LONP1: variants seen among roughly 807,000 people sequenced by gnomAD.
LONP1 encodes the protein lon peptidase 1, mitochondrial, also known as lon protease homolog, mitochondrial.
LONP1 carries 31 observed loss-of-function variants against 98.5 expected under a neutral mutation model. That is an observed-to-expected ratio of 0.31 (90% CI 0.24 to 0.42). LONP1 has a LOEUF of 0.42. Among genes scored for constraint, LONP1 ranks in the 20% least tolerant of loss-of-function variants. The probability of loss-of-function intolerance (pLI) is 1.00; values close to 1 mark genes in which losing one functional copy is unlikely to be tolerated. For synonymous variants in LONP1, 781 were observed against 594.7 expected (o/e 1.31, Z -4.56); for missense variants, 1,336 against 1,350.6 (o/e 0.99, Z 0.17).
rs1346140579 is a variant in LONP1 at position 5,692,841 on chromosome 19, GCTTCCTA to G, written c.2703+450_2703+456del. 7.2e-5 allele frequency among the ~76,000 whole-genome samples: 11 copies of G among 152,260 alleles called. No individual in the cohort carries two copies. The East Asian group carries it at 1.5e-3, about 21-fold the overall frequency. ...GGCATCTCCTGACTGACTGCACCAG[GCTTCCTA>G]GACACATGGCAAGTGTGGTCCAGTC... On this transcript the variant is annotated intron_variant, in intron 17 of 17. Transcript: ENST00000360614.
At chr19:5,718,505 C>T (rs1177970366) in intron 1 of LONP1, among the ~76,000 whole-genome samples, 1 of 151,212 alleles carries the variant, frequency 6.6e-6, no homozygotes, top group Non-Finnish European at 1.5e-5. Context: ...AATCTTGGAG[C>T]AGCGTTGGAG....
At chr19:5,716,194 A>G (rs1464522415) in intron 1 of LONP1, among the ~76,000 whole-genome samples, 2 of 147,278 alleles carry the variant, frequency 1.4e-5, no homozygotes, top group Admixed American at 1.4e-4. Flanking sequence ...TAACACAGTG[A>G]GACCCCATCT....
chr19:5,697,482 C>G (rs1393036776), intron 10 of LONP1, among the ~76,000 whole-genome samples: 1 of 146,734 alleles, frequency 6.8e-6, no homozygotes, highest in African/African-American at 2.5e-5. Flanking sequence ...AGTGAGGAGG[C>G]CATGAGGCTG....
chr19:5,707,591 GGCATGGGGGAGCTGA>G lies in LONP1; in HGVS notation c.1062+91_1062+105del, dbSNP rs1310027967. 15 of 1,237,066 alleles carry G rather than the reference GGCATGGGGGAGCTGA, an allele frequency of 1.2e-5. No homozygotes were observed. In the Admixed American group the frequency reaches 2.3e-4, roughly 19 times the overall value. 76.6% of individuals were successfully genotyped at this position (1,237,066 alleles called of 1,614,324 possible). ...CACGGTGGAGGGACAAGGGCAGCCA[GGCATGGGGGAGCTGA>G]GGAGGAACGGGGGCAGCCGGGCGTG... On this transcript the variant is annotated intron_variant, in intron 6 of 17. Coordinates refer to ENST00000360614, the MANE Select transcript of LONP1 (RefSeq NM_004793.4).
At chr19:5,708,696 G>A in intron 4 of LONP1, 1 of 362,848 alleles carries the variant, frequency 2.8e-6, no homozygotes, top group Non-Finnish European at 5.2e-6. Context: ...AAGAGACTGT[G>A]TTTTCTTTCC....
intron 1 of LONP1, among the ~76,000 whole-genome samples, chr19:5,718,699 G>T (rs961856207): frequency 2.0e-5 from 3 of 146,862 alleles, no homozygotes; most frequent in African/African-American, 7.5e-5. Flanking sequence ...CACATCAGTA[G>T]TTTTTTTTTT....
chr19:5,706,060 C>G (rs924526098), intron 7 of LONP1, 68 bp from the exon 8 acceptor site: 2 of 1,010,218 alleles, frequency 2.0e-6, no homozygotes, highest in Non-Finnish European at 3.1e-6. Context: ...CGTCCCCAGA[C>G]GAAGGGGGAC....
intron 4 of LONP1, among the ~76,000 whole-genome samples, chr19:5,710,393 A>ATT (rs755609416): frequency 1.3e-5 from 2 of 151,328 alleles, no homozygotes; most frequent in African/African-American, 4.9e-5. Context: ...CCCGGCCTGA[A>ATT]TTTTTTTATT....
At chr19:5,695,347 C>A (rs2054907035) in intron 13 of LONP1, among the ~76,000 whole-genome samples, 1 of 152,086 alleles carries the variant, frequency 6.6e-6, no homozygotes, top group Non-Finnish European at 1.5e-5. Flanking sequence ...GGGAGGGCAT[C>A]TGTGAGACGG....
At chr19:5,709,036 A>T (rs1359507079) in intron 4 of LONP1, 2 of 140,202 alleles carry the variant, frequency 1.4e-5, no homozygotes, top group Non-Finnish European at 3.1e-5. Flanking sequence ...AAAAAAAAAG[A>T]CCAAGTCTTG....
At chr19:5,697,162 T>C (rs2054947675) in intron 10 of LONP1, among the ~76,000 whole-genome samples, 1 of 152,034 alleles carries the variant, frequency 6.6e-6, no homozygotes, top group East Asian at 1.9e-4. Context: ...GCAAGCTCTG[T>C]GCTCTGCCCC....
chr19:5,707,673 G>A lies in LONP1; in HGVS notation c.1062+24C>T, dbSNP rs763364936. The A allele has an allele frequency of 3.1e-6, 5 of 1,597,346 alleles. No individual in the cohort carries two copies. In the South Asian group the frequency reaches 4.5e-5, roughly 14 times the overall value. ...GGTGGGGTGCAGCCAGGCGTGGGGG[G>A]CTGTGGAGGTGACGAGCACTCACAT... is the stretch of plus-strand genomic sequence containing the variant. On this transcript the variant is annotated intron_variant, in intron 6 of 17. Transcript: ENST00000360614.
intron 1 of LONP1, 21 bp downstream of exon 1, chr19:5,719,683 C>T (rs1301480889): frequency 4.3e-6 from 7 of 1,613,448 alleles, no homozygotes; most frequent in South Asian, 2.2e-5. Context: ...AACCTGAGGC[C>T]GAGGCGGGGA....
rs561540882 is a variant in LONP1, at chr19:5,692,804, C to G, written c.2703+494G>C. Among the ~76,000 whole-genome samples the G allele has an allele frequency of 7.2e-5, 11 of 152,306 alleles. No homozygotes were observed. The East Asian group carries it at 1.5e-3, about 21-fold the overall frequency. On this transcript the variant is annotated intron_variant, in intron 17 of 17. Transcript: ENST00000360614. ...GGTGGTCACAGCCACTTGACCATGC[C>G]TCCCTCGTGGTGGCATCTCCTGACT...
chr19:5,697,651 G>A (rs1288135575), intron 10 of LONP1, among the ~76,000 whole-genome samples: 1 of 150,404 alleles, frequency 6.6e-6, no homozygotes, highest in Non-Finnish European at 1.5e-5. Context: ...GTGAGAACTT[G>A]GGCTTTGACC....
chr19:5,697,847 G>A (rs950896956), intron 10 of LONP1, among the ~76,000 whole-genome samples: 19 of 152,126 alleles, frequency 1.2e-4, no homozygotes, highest in African/African-American at 4.6e-4. Flanking sequence ...GGCCAGAGGT[G>A]ACCCAGGCTT....
intron 8 of LONP1, 55 bp downstream of exon 8, chr19:5,705,717 T>A: frequency 6.5e-7 from 1 of 1,545,194 alleles, no homozygotes; most frequent in Non-Finnish European, 8.9e-7. Flanking sequence ...CTGCCTAAGA[T>A]GGGGGCTGAG....
At chr19:5,705,636 G>T in intron 8 of LONP1, 136 bp downstream of exon 8, 1 of 661,244 alleles carries the variant, frequency 1.5e-6, no homozygotes, top group South Asian at 1.8e-5. Flanking sequence ...GCTGATACTC[G>T]CTGGATGCCT....
rs776788415 is a variant in LONP1 at position 5,693,276 on chromosome 19, G to A, written c.2703+22C>T. The A allele has an allele frequency of 1.3e-5, 20 of 1,591,226 alleles. No homozygotes were observed. The South Asian group carries it at 2.1e-4, about 17-fold the overall frequency. On this transcript the variant is annotated intron_variant, in intron 17 of 17. Coordinates refer to ENST00000360614, the MANE Select transcript of LONP1 (RefSeq NM_004793.4). The stretch of plus-strand genomic sequence containing the variant: ...TGGTGTGGGCCCTGCCAGTGCTGTG[G>A]GGTGGGTACAGGGACACTCACCGCA...
Sources: gnomAD v4.1 joint callset for allele counts (sites outside exome capture counted in the v4.1 genomes callset) on GRCh38, gnomAD v4.1.1 for gene constraint, MANE v1.5 for transcripts, NCBI Gene and HGNC (gene_info 2026-07-23, HGNC 2026-07-21) for gene names.